Variants in MANSC4 observed in about 807,000 individuals in gnomAD.
MANSC4 encodes the protein MANSC domain-containing protein 4.
In MANSC4, 11 loss-of-function variants were observed where a neutral mutation model predicts 11.4. The observed-to-expected ratio is 0.97, with a 90% CI of 0.61 to 1.60. The LOEUF is 1.60. Ranked by LOEUF, MANSC4 falls within the 40% of genes most tolerant of loss-of-function variation. MANSC4 has a pLI of 0.00. For missense variants in MANSC4, 354 were observed against 404.6 expected, an observed-to-expected ratio of 0.88 and a Z score of 1.07; for synonymous variants, 123 against 147.1, an observed-to-expected ratio of 0.84 and a Z score of 1.19.
In MANSC4 at chr12:27,766,535, T is replaced by C. The variant is rs187145438; in HGVS notation, c.364+130A>G. The stretch of plus-strand genomic sequence containing the variant: ...TTCTGTCCTAGATATCCAAAATTTT[T>C]CCCAAGTTCACTGGAAAATAATTAT... On this transcript the variant is annotated intron_variant, in intron 3 of 3. Coordinates refer to ENST00000381273, the MANE Select transcript of MANSC4 (RefSeq NM_001146221.5). The C allele has an allele frequency of 2.2e-3, 2,338 of 1,052,298 alleles. 5 individuals are homozygous for C. The highest frequency in any genetic ancestry group is 2.8e-3 in the Non-Finnish European group (2,122 of 746,926). The allele number at this position is 1,052,298 out of a possible 1,614,324, so 65.2% of individuals were successfully genotyped here. A position where few individuals can be genotyped will look rare whatever the true frequency, so the allele number is the denominator to read the frequency against.
chr12:27,767,656 C>A (rs1351005083), intron 2 of MANSC4, among the ~76,000 whole-genome samples: 1 of 152,070 alleles, frequency 6.6e-6, no homozygotes, highest in African/African-American at 2.4e-5. Flanking sequence ...AAGATCACGC[C>A]ATTGCACTCC....
rs142140635 is a variant in MANSC4 at position 27,763,387 on chromosome 12, G to A, written c.374C>T (p.Pro125Leu). 846 of 1,544,874 alleles carry A rather than the reference G, an allele frequency of 5.5e-4. 9 individuals are homozygous for A. The highest frequency in any genetic ancestry group is 1.7e-4 in the Middle Eastern group (1 of 5,956). The change falls in exon 4 of 4, where the codon CCG (proline) becomes CTG (leucine). Residue 125 changes from proline (P) to leucine (L), a missense_variant. Transcript: ENST00000381273. The part of the protein sequence containing the change: ...ILYNITDGID[P>L]DLLVFEQSPT... ...AGATTGTTCAAAAACCAGCAAATCCGGATCTATACCTGAAAAATAAATAAG... is the reference window on the plus strand; with the variant it reads ...AGATTGTTCAAAAACCAGCAAATCCAGATCTATACCTGAAAAATAAATAAG...
At chr12:27,779,426 T>G (rs1280444367) in intron 1 of MANSC4, among the ~76,000 whole-genome samples, 5 of 152,288 alleles carry the variant, frequency 3.3e-5, no homozygotes, top group Admixed American at 3.3e-4. Flanking sequence ...TTTTAATAAC[T>G]TAGGGAGAAT....
chr12:27,773,402 C>T (rs2062107883), intron 1 of MANSC4, among the ~76,000 whole-genome samples: 1 of 150,896 alleles, frequency 6.6e-6, no homozygotes, highest in Non-Finnish European at 1.5e-5. Flanking sequence ...GCATCCATAA[C>T]AATCTCAAAA....
At chr12:27,770,204 T>A (rs12368161) in intron 2 of MANSC4, among the ~76,000 whole-genome samples, 4 of 107,130 alleles carry the variant, frequency 3.7e-5, no homozygotes, top group East Asian at 2.9e-4. Flanking sequence ...AGAGAGAGAG[T>A]CAGTCTCACT....
intron 1 of MANSC4, among the ~76,000 whole-genome samples, chr12:27,774,020 C>T (rs1041328025): frequency 2.0e-5 from 3 of 151,978 alleles, no homozygotes; most frequent in African/African-American, 4.8e-5. Flanking sequence ...TGGTGGCACA[C>T]GGCTGTAATC....
chr12:27,765,411 T>C (rs1268633477), intron 3 of MANSC4, among the ~76,000 whole-genome samples: 4 of 152,228 alleles, frequency 2.6e-5, no homozygotes, highest in Non-Finnish European at 5.9e-5. Context: ...AAAACTCTAC[T>C]CTGTCCATGG....
At chr12:27,772,035 C>G (rs1455874707) in intron 1 of MANSC4, among the ~76,000 whole-genome samples, 1 of 151,178 alleles carries the variant, frequency 6.6e-6, no homozygotes, top group Non-Finnish European at 1.5e-5. Context: ...AGAGCGAGAC[C>G]CTGTCCCAGA....
chr12:27,763,022 G>C lies in MANSC4; in HGVS notation c.739C>G (p.Pro247Ala). 1 of 1,551,702 alleles carries C rather than the reference G, an allele frequency of 6.4e-7. No individual in the cohort carries two copies. The highest frequency in any genetic ancestry group is 8.7e-7 in the Non-Finnish European group (1 of 1,147,008). ...CTACTGTTGAGTCCAGGTGGAACAG[G>C]CATATGAGAAAGTTTTGTGTCTATG... ...EPIDTKLSHM[P>A]VPPGLNSSKQ... The change falls in exon 4 of 4, where the codon CCT becomes GCT. Residue 247 changes from proline (P) to alanine (A), a missense_variant. Transcript: ENST00000381273.
chr12:27,774,224 C>T (rs1347764417), intron 1 of MANSC4, among the ~76,000 whole-genome samples: 1 of 151,686 alleles, frequency 6.6e-6, no homozygotes, highest in African/African-American at 2.4e-5. Flanking sequence ...ACTGAAAAAA[C>T]AAAGAGAAAT....
intron 1 of MANSC4, among the ~76,000 whole-genome samples, chr12:27,774,047 T>C (rs888558436): frequency 4.0e-5 from 6 of 151,696 alleles, no homozygotes; most frequent in Non-Finnish European, 7.4e-5. Flanking sequence ...ACTCGGGAGG[T>C]TGAGGCAAGA....
intron 1 of MANSC4, among the ~76,000 whole-genome samples, chr12:27,773,740 A>G (rs2062108909): frequency 6.6e-6 from 1 of 152,240 alleles, no homozygotes; most frequent in Non-Finnish European, 1.5e-5. Context: ...TACCTAAACA[A>G]CGATGCTCAA....
At chr12:27,764,868 ACAGCTGTTACT>A (rs1402928987) in intron 3 of MANSC4, among the ~76,000 whole-genome samples, 2 of 151,946 alleles carry the variant, frequency 1.3e-5, no homozygotes, top group Non-Finnish European at 2.9e-5. Flanking sequence ...TTTTTAAGAG[ACAGCTGTTACT>A]CAGGCTGGAG....
rs2140802633 is a variant in MANSC4, at chr12:27,771,346, G to A, written c.-70C>T. On this transcript the variant is annotated 5_prime_UTR_variant, in exon 2 of 4. Coordinates refer to ENST00000381273, the MANE Select transcript of MANSC4 (RefSeq NM_001146221.5). ...ACAGAAGCTGAACACTGGAGTTTAG[G>A]ACAGTCTCTGGAACGTCAGAGGTGT... 7.3e-7 allele frequency: 1 copy of A among 1,365,542 alleles called. No individual in the cohort carries two copies. The highest frequency in any genetic ancestry group is 2.5e-5 in the East Asian group (1 of 39,982). 84.6% of individuals were successfully genotyped at this position (1,365,542 alleles called of 1,614,324 possible).
intron 1 of MANSC4, among the ~76,000 whole-genome samples, chr12:27,776,353 A>C (rs1252563785): frequency 6.6e-6 from 1 of 152,170 alleles, no homozygotes; most frequent in Non-Finnish European, 1.5e-5. Context: ...ATTAAAAGCA[A>C]TACTGTGATA....
intron 2 of MANSC4, among the ~76,000 whole-genome samples, chr12:27,769,424 CA>C (rs2062090281): frequency 6.6e-6 from 1 of 152,182 alleles, no homozygotes; most frequent in Non-Finnish European, 1.5e-5. Context: ...AAGAAAGCCA[CA>C]ACTGGGAAGT....
At position 27,766,520 on chromosome 12, in the gene MANSC4, G is replaced by C; in HGVS notation, c.364+145C>G. ...AATTTTCTTTCAGTTTTCTGTCCTAGATATCCAAAATTTTTCCCAAGTTCA... is the reference window on the plus strand; with the variant it reads ...AATTTTCTTTCAGTTTTCTGTCCTACATATCCAAAATTTTTCCCAAGTTCA... On this transcript the variant is annotated intron_variant, in intron 3 of 3. Coordinates refer to ENST00000381273, the MANE Select transcript of MANSC4 (RefSeq NM_001146221.5). 4 of 828,518 alleles carry C rather than the reference G, an allele frequency of 4.8e-6. No homozygotes were observed. The South Asian group carries it at 7.8e-5, about 16-fold the overall frequency. 51.3% of individuals were successfully genotyped at this position (828,518 alleles called of 1,614,324 possible).
chr12:27,762,683 T>C lies in MANSC4; in HGVS notation c.*55A>G. 3 of 1,419,440 alleles carry C rather than the reference T, an allele frequency of 2.1e-6. No homozygotes were observed. The Admixed American group carries it at 9.0e-5, about 42-fold the overall frequency. 87.9% of individuals were successfully genotyped at this position (1,419,440 alleles called of 1,614,324 possible). On this transcript the variant is annotated 3_prime_UTR_variant, in exon 4 of 4. Transcript: ENST00000381273. The stretch of plus-strand genomic sequence containing the variant: ...TTTTTTTAACCAAACTGCGTTTTCT[T>C]ACACAAAACTAAAAATGATATCCTT...
At chr12:27,776,269 C>A (rs1399271624) in intron 1 of MANSC4, among the ~76,000 whole-genome samples, 2 of 152,022 alleles carry the variant, frequency 1.3e-5, no homozygotes, top group Non-Finnish European at 2.9e-5. Flanking sequence ...TACAACAGTG[C>A]CTGGCACATG....
Sources: gnomAD v4.1 joint callset for allele counts (sites outside exome capture counted in the v4.1 genomes callset) on GRCh38, gnomAD v4.1.1 for gene constraint, MANE v1.5 for transcripts, NCBI Gene and HGNC (gene_info 2026-07-23, HGNC 2026-07-21) for gene names.